UBN1: variants seen among roughly 807,000 people sequenced by gnomAD.
UBN1 encodes the protein ubinuclein-1.
UBN1 carries 17 observed loss-of-function variants against 108.5 expected under a neutral mutation model. That is an observed-to-expected ratio of 0.16 (90% CI 0.11 to 0.24). UBN1 has a LOEUF of 0.24. UBN1 is among the 10% of genes least tolerant of loss of function. UBN1 has a pLI of 1.00. For missense variants in UBN1, 1,595 were observed against 1,394.4 expected, an observed-to-expected ratio of 1.14 and a Z score of -2.29; for synonymous variants, 726 against 564.2, an observed-to-expected ratio of 1.29 and a Z score of -4.07.
chr16:4,862,054 C>T (rs1356650101), intron 7 of UBN1, among the ~76,000 whole-genome samples: 2 of 152,228 alleles, frequency 1.3e-5, no homozygotes, highest in African/African-American at 2.4e-5. Flanking sequence ...ACATTTCTAA[C>T]TGTAAACTAG....
rs1303569046 is a variant in UBN1, at chr16:4,877,813, A to T, written c.3355+339A>T. ...CTCTTCAGTTTAAAAAAAAAAAAAA[A>T]GGGAAGGTAATGGTGCATCTTCTCC... On this transcript the variant is annotated intron_variant, in intron 17 of 17. Transcript: ENST00000262376. This position sits in a 1 kb window ranked among gnomAD's most constrained non-coding sequence, Gnocchi z 4.3. 2.0e-6 allele frequency: 2 copies of T among 1,022,050 alleles called. No individual in the cohort carries two copies. Among genetic ancestry groups the T allele is most frequent in the Non-Finnish European group, 1.2e-6 (1 of 851,526 alleles). 63.3% of individuals were successfully genotyped at this position (1,022,050 alleles called of 1,614,324 possible).
chr16:4,862,532 A>T (rs1255699278), intron 7 of UBN1, among the ~76,000 whole-genome samples: 1 of 152,224 alleles, frequency 6.6e-6, no homozygotes, highest in Non-Finnish European at 1.5e-5. Flanking sequence ...AATTCATGTT[A>T]ACCAAACATT....
At chr16:4,870,677 G>T (rs1376302958) in intron 10 of UBN1, 43 bp downstream of exon 10, 2 of 1,610,022 alleles carry the variant, frequency 1.2e-6, no homozygotes, top group South Asian at 2.2e-5. Flanking sequence ...CTCCCGTCTT[G>T]CCTCTTCCCC....
intron 12 of UBN1, 124 bp from the exon 13 acceptor site, chr16:4,872,760 C>T (rs1302537251): frequency 2.7e-5 from 31 of 1,148,838 alleles, no homozygotes; most frequent in East Asian, 1.8e-4. Context: ...TGAGCCACTG[C>T]GCCTGGCCAG....
At position 4,877,237 on chromosome 16, in the gene UBN1, A is replaced by C. The variant is rs2087925857; in HGVS notation, c.3265+126A>C. The C allele has an allele frequency of 3.3e-6, 5 of 1,513,610 alleles. No individual in the cohort carries two copies. The highest frequency in any genetic ancestry group is 8.8e-7 in the Non-Finnish European group (1 of 1,131,574). The allele number at this position is 1,513,610 out of a possible 1,614,324, so 93.8% of individuals were successfully genotyped here. ...GTGACTGTGGGGAACATCTCCGGGA[A>C]CTGTGCCAAGCCCCCACTGCCCCTT... On this transcript the variant is annotated intron_variant, in intron 16 of 17. Transcript: ENST00000262376. This position sits in a 1 kb window ranked among gnomAD's most constrained non-coding sequence, Gnocchi z 4.3.
intron 2 of UBN1, among the ~76,000 whole-genome samples, chr16:4,857,772 G>T (rs984820304): frequency 6.6e-6 from 1 of 152,176 alleles, no homozygotes; most frequent in South Asian, 2.1e-4. Context: ...TGTGGTGGAT[G>T]ATTGTAGGCA....
At chr16:4,857,343 T>A (rs2086862681) in intron 2 of UBN1, among the ~76,000 whole-genome samples, 1 of 143,666 alleles carries the variant, frequency 7.0e-6, no homozygotes, top group African/African-American at 2.6e-5. Flanking sequence ...AGAGTGAGAC[T>A]CTTATCTCAA....
intron 2 of UBN1, 111 bp downstream of exon 2, chr16:4,853,277 C>G: frequency 1.4e-6 from 2 of 1,430,338 alleles, no homozygotes; most frequent in South Asian, 1.4e-5. Flanking sequence ...TTTGGCTGCC[C>G]CAAGATCCTG....
chr16:4,848,181 C>G lies in UBN1; in HGVS notation c.-69C>G, dbSNP rs1488629887. On this transcript the variant is annotated 5_prime_UTR_variant, in exon 1 of 18. Coordinates refer to ENST00000262376, the MANE Select transcript of UBN1 (RefSeq NM_001079514.3). The stretch of plus-strand genomic sequence containing the variant: ...CATGAGGACCGCCGCGGGGGGACGT[C>G]TGCGGCCCGCGTCGGCGCTGGGGAC... 1 of 152,174 alleles carries G rather than the reference C, an allele frequency of 6.6e-6. No homozygotes were observed. Among genetic ancestry groups the G allele is most frequent in the African/African-American group, 2.4e-5 (1 of 41,450 alleles). The allele number at this position is 152,174 out of a possible 1,614,324, so 9.4% of individuals were successfully genotyped here.
At chr16:4,859,465 C>T (rs2086960693) in intron 5 of UBN1, among the ~76,000 whole-genome samples, 1 of 152,222 alleles carries the variant, frequency 6.6e-6, no homozygotes, top group Non-Finnish European at 1.5e-5. Flanking sequence ...ATGTGTACCA[C>T]TCTTGCTGAC....
chr16:4,879,186 G>A (rs1468185307), intron 17 of UBN1, among the ~76,000 whole-genome samples: 5 of 152,158 alleles, frequency 3.3e-5, no homozygotes, highest in South Asian at 2.1e-4. Flanking sequence ...GATGAAAAAC[G>A]TTTGAGATGA....
At chr16:4,860,629 A>G (rs552501669) in intron 6 of UBN1, 35 bp from the exon 7 acceptor site, 38 of 1,582,764 alleles carry the variant, frequency 2.4e-5, no homozygotes, top group South Asian at 4.6e-5. Context: ...GAGGTGTCCT[A>G]TAGTCTGAGT....
chr16:4,866,005 A>G (rs1444119129), intron 7 of UBN1, among the ~76,000 whole-genome samples: 1 of 152,116 alleles, frequency 6.6e-6, no homozygotes, highest in Non-Finnish European at 1.5e-5. Context: ...ATAAGATAAA[A>G]TTTGATTGGA....
At chr16:4,870,381 C>T (rs1276841963) in intron 9 of UBN1, 40 bp downstream of exon 9, 1 of 1,612,204 alleles carries the variant, frequency 6.2e-7, no homozygotes, top group African/African-American at 1.3e-5. Flanking sequence ...CTTTGGGGTC[C>T]TGGCGGAGGG....
intron 2 of UBN1, among the ~76,000 whole-genome samples, chr16:4,854,998 A>G (rs922491142): frequency 6.6e-6 from 1 of 152,182 alleles, no homozygotes; most frequent in African/African-American, 2.4e-5. Context: ...CTGGGATTAC[A>G]GGCGTGAGCC....
At chr16:4,852,262 C>G (rs1452127066) in intron 1 of UBN1, 1 of 152,192 alleles carries the variant, frequency 6.6e-6, no homozygotes, top group East Asian at 1.9e-4. Flanking sequence ...TTTGACCATT[C>G]CCAAGTGATT....
rs991287302 is a variant in UBN1, at chr16:4,871,410, G to C, written c.1706+109G>C. 6.1e-6 allele frequency: 9 copies of C among 1,471,440 alleles called. 1 individual carries two copies. The highest frequency in any genetic ancestry group is 5.6e-5 in the African/African-American group (4 of 71,270). 91.1% of individuals were successfully genotyped at this position (1,471,440 alleles called of 1,614,324 possible). ...GCTCACAGGGAGTCACTGTCTAGCT[G>C]CCTCAACTCTGATCTCACCTGAGTA... On this transcript the variant is annotated intron_variant, in intron 12 of 17. Coordinates refer to ENST00000262376, the MANE Select transcript of UBN1 (RefSeq NM_001079514.3).
chr16:4,851,322 C>A (rs1374491735), intron 1 of UBN1, among the ~76,000 whole-genome samples: 5 of 152,112 alleles, frequency 3.3e-5, no homozygotes, highest in Admixed American at 1.3e-4. Flanking sequence ...AAAATTAGCA[C>A]GCCTGTAGTT....
In UBN1 at chr16:4,877,798, TAA is replaced by T. The variant is rs34192021; in HGVS notation, c.3355+338_3355+339del. 1,309 of 947,186 alleles carry T rather than the reference TAA, an allele frequency of 1.4e-3. No homozygotes were observed. Among genetic ancestry groups the T allele is most frequent in the East Asian group, 4.2e-3 (42 of 9,956 alleles). The allele number at this position is 947,186 out of a possible 1,614,324, so 58.7% of individuals were successfully genotyped here. ...TCGGCTTGTTTTTTTCTCTTCAGTTTAAAAAAAAAAAAAAAGGGAAGGTAATG... is the reference window on the plus strand; with the variant it reads ...TCGGCTTGTTTTTTTCTCTTCAGTTTAAAAAAAAAAAAAGGGAAGGTAATG... On this transcript the variant is annotated intron_variant, in intron 17 of 17. Transcript: ENST00000262376. This position sits in a 1 kb window ranked among gnomAD's most constrained non-coding sequence, Gnocchi z 4.3.
Sources: gnomAD v4.1 joint callset for allele counts (sites outside exome capture counted in the v4.1 genomes callset) on GRCh38, gnomAD v4.1.1 for gene constraint, Gnocchi (gnomAD v3.1) non-coding constraint, MANE v1.5 for transcripts, NCBI Gene and HGNC (gene_info 2026-07-23, HGNC 2026-07-21) for gene names.